The following GALNT13 variants were observed in gnomAD, a reference collection of about 807,000 sequenced individuals.
GALNT13 encodes polypeptide N-acetylgalactosaminyltransferase 13.
Under a neutral mutation model 64.2 loss-of-function variants are expected in GALNT13, and 28 were observed. The ratio of observed to expected loss-of-function variants is 0.44; its 90% CI spans 0.32 to 0.60. The LOEUF (loss-of-function observed/expected upper bound fraction) is 0.60. Among genes scored for constraint, GALNT13 ranks in the 20% least tolerant of loss-of-function variants. The probability of loss-of-function intolerance (pLI) is 0.05; values close to 1 mark genes in which losing one functional copy is unlikely to be tolerated. For synonymous variants in GALNT13, 214 were observed against 224.6 expected, an observed-to-expected ratio of 0.95 and a Z score of 0.42; for missense variants, 577 against 669.8, an observed-to-expected ratio of 0.86 and a Z score of 1.53.
the GALNT13 span, among the ~76,000 whole-genome samples, chr2:153,111,499 C>T: frequency 5.9e-5 from 9 of 152,010 alleles, no homozygotes; most frequent in East Asian, 1.9e-4. Flanking sequence ...CAAAGAAATT[C>T]GCCCAGTGTG....
intron 4 of GALNT13, among the ~76,000 whole-genome samples, chr2:154,230,738 T>C (rs538118659): frequency 2.1e-4 from 32 of 152,178 alleles, no homozygotes; most frequent in African/African-American, 7.7e-4. Context: ...CCAGATGAGG[T>C]CCACTGAAAC....
the GALNT13 span, chr2:153,761,457 G>A: frequency 6.5e-6 from 1 of 152,706 alleles, no homozygotes; most frequent in Non-Finnish European, 1.5e-5. Context: ...CGTTTATGAA[G>A]TTTGGCAGTG....
intron 9 of GALNT13, among the ~76,000 whole-genome samples, chr2:154,341,074 T>A (rs1465568053): frequency 3.3e-5 from 5 of 152,270 alleles, no homozygotes; most frequent in Non-Finnish European, 5.9e-5. Context: ...GGCACACATA[T>A]AAAGTAACAT....
At chr2:153,785,197 C>T in the GALNT13 span, among the ~76,000 whole-genome samples, 2 of 152,126 alleles carry the variant, frequency 1.3e-5, no homozygotes, top group African/African-American at 2.4e-5. Context: ...CTGGAGTGGA[C>T]CCTCAGCACA....
At chr2:153,353,682 G>A in the GALNT13 span, among the ~76,000 whole-genome samples, 18 of 152,182 alleles carry the variant, frequency 1.2e-4, no homozygotes, top group African/African-American at 3.6e-4. Context: ...TTCATCAAAT[G>A]TTTTTCTGCA....
At chr2:153,610,191 A>T in the GALNT13 span, among the ~76,000 whole-genome samples, 3 of 152,190 alleles carry the variant, frequency 2.0e-5, no homozygotes, top group Non-Finnish European at 4.4e-5. Context: ...AAAGTTAGTG[A>T]TACAGCCAGT....
the GALNT13 span, among the ~76,000 whole-genome samples, chr2:153,424,603 A>G: frequency 6.6e-6 from 1 of 151,880 alleles, no homozygotes; most frequent in African/African-American, 2.4e-5. Flanking sequence ...TGGCAAAAAT[A>G]ATGTCTGATA....
chr2:154,346,622 T>C (rs1018006915), intron 9 of GALNT13, among the ~76,000 whole-genome samples: 1 of 152,146 alleles, frequency 6.6e-6, no homozygotes, highest in Non-Finnish European at 1.5e-5. Context: ...CTGCCATGAT[T>C]GTGAGTCCTC....
At chr2:154,168,308 G>A (rs951024784) in intron 4 of GALNT13, among the ~76,000 whole-genome samples, 27 of 152,176 alleles carry the variant, frequency 1.8e-4, no homozygotes, top group African/African-American at 4.8e-4. Context: ...GCATCCTACC[G>A]GCAGAATTCC....
the GALNT13 span, among the ~76,000 whole-genome samples, chr2:153,694,208 T>C: frequency 1.3e-5 from 2 of 152,174 alleles, no homozygotes; most frequent in African/African-American, 4.8e-5. Context: ...AAGTTTAACT[T>C]TCCCTTCGGC....
chr2:154,379,890 ACTTAT>A (rs764701676), intron 9 of GALNT13, among the ~76,000 whole-genome samples: 23 of 152,148 alleles, frequency 1.5e-4, no homozygotes, highest in African/African-American at 3.8e-4. Context: ...TTAATAAAAC[ACTTAT>A]CTTAATGACT....
the GALNT13 span, among the ~76,000 whole-genome samples, chr2:153,844,749 A>T: frequency 3.9e-5 from 6 of 152,250 alleles, no homozygotes; most frequent in South Asian, 1.0e-3. Flanking sequence ...TTCCTCTCAC[A>T]TCTAAGCTTA....
At chr2:153,118,875 T>C in the GALNT13 span, among the ~76,000 whole-genome samples, 3 of 152,156 alleles carry the variant, frequency 2.0e-5, no homozygotes, top group African/African-American at 7.2e-5. Context: ...TTTGACTGTG[T>C]CCCCACCCAA....
the GALNT13 span, among the ~76,000 whole-genome samples, chr2:153,300,236 TC>T: frequency 6.6e-6 from 1 of 152,204 alleles, no homozygotes; most frequent in Non-Finnish European, 1.5e-5. Flanking sequence ...ATGGGTAGGT[TC>T]CCCACTTTCT....
At chr2:153,783,475 T>C in the GALNT13 span, among the ~76,000 whole-genome samples, 2 of 152,302 alleles carry the variant, frequency 1.3e-5, no homozygotes, top group South Asian at 4.1e-4. Context: ...AAACCTCATT[T>C]TCCTCACCTT....
intron 9 of GALNT13, among the ~76,000 whole-genome samples, chr2:154,390,461 T>C (rs1007702006): frequency 6.6e-6 from 1 of 152,234 alleles, no homozygotes; most frequent in African/African-American, 2.4e-5. Context: ...CTCCCACTTA[T>C]AAGTGAGAGC....
intron 2 of GALNT13, among the ~76,000 whole-genome samples, chr2:153,935,970 A>G (rs1558862488): frequency 6.6e-6 from 1 of 152,164 alleles, no homozygotes; most frequent in Non-Finnish European, 1.5e-5. Flanking sequence ...CAGAGCTTTG[A>G]TATGAAAGTA....
chr2:153,807,324 C>A, the GALNT13 span, among the ~76,000 whole-genome samples: 1 of 151,642 alleles, frequency 6.6e-6, no homozygotes, highest in African/African-American at 2.4e-5. Context: ...TATAGAAATG[C>A]AATCAGCCTA....
intron 4 of GALNT13, among the ~76,000 whole-genome samples, chr2:154,226,686 T>G (rs1249414560): frequency 6.6e-6 from 1 of 152,148 alleles, no homozygotes; most frequent in Non-Finnish European, 1.5e-5. Context: ...CTTTAATTTT[T>G]TAACTTATTT....
Sources: gnomAD v4.1 joint callset for allele counts (sites outside exome capture counted in the v4.1 genomes callset) on GRCh38, gnomAD v4.1.1 for gene constraint, MANE v1.5 for transcripts, NCBI Gene and HGNC (gene_info 2026-07-23, HGNC 2026-07-21) for gene names.